Variants in TMEM108 observed in about 807,000 individuals in gnomAD.
TMEM108 encodes the protein cancer/testis antigen 124.
TMEM108 carries 12 observed loss-of-function variants against 35.1 expected under a neutral mutation model. The observed-to-expected ratio is 0.34, with a 90% CI of 0.22 to 0.55. TMEM108 has a LOEUF of 0.55. Among genes scored for constraint, TMEM108 ranks in the 20% least tolerant of loss-of-function variants. The pLI is 0.89. For synonymous variants in TMEM108, 287 were observed against 308.6 expected, an observed-to-expected ratio of 0.93 and a Z score of 0.73; for missense variants, 680 against 753.3, an observed-to-expected ratio of 0.90 and a Z score of 1.14.
At chr3:133,146,224 C>T (rs1359018661) in intron 2 of TMEM108, among the ~76,000 whole-genome samples, 1 of 151,750 alleles carries the variant, frequency 6.6e-6, no homozygotes, top group Non-Finnish European at 1.5e-5. Flanking sequence ...TTGAGATAAT[C>T]GTGGTTTTTG....
intron 2 of TMEM108, among the ~76,000 whole-genome samples, chr3:133,060,693 G>A (rs1943524991): frequency 6.6e-6 from 1 of 152,126 alleles, no homozygotes; most frequent in Non-Finnish European, 1.5e-5. Flanking sequence ...TGTCTATGCT[G>A]TTATCTTTCT....
chr3:133,134,679 A>C (rs1465367004), intron 2 of TMEM108, among the ~76,000 whole-genome samples: 8 of 152,090 alleles, frequency 5.3e-5, no homozygotes. Context: ...TACATGGATG[A>C]GCTGTAGAGT....
chr3:133,309,739 C>T (rs113162563), intron 3 of TMEM108, among the ~76,000 whole-genome samples: 3 of 128,996 alleles, frequency 2.3e-5, no homozygotes, highest in Admixed American at 8.6e-5. Flanking sequence ...CTCGCTCTGT[C>T]GCCCAGGCTG....
At chr3:133,322,494 G>A (rs961425978) in intron 3 of TMEM108, among the ~76,000 whole-genome samples, 7 of 151,886 alleles carry the variant, frequency 4.6e-5, no homozygotes, top group Non-Finnish European at 7.4e-5. Context: ...AAGTCTGAAC[G>A]GACCAATAAC....
chr3:133,199,733 C>T (rs1403695623), intron 2 of TMEM108, among the ~76,000 whole-genome samples: 7 of 152,200 alleles, frequency 4.6e-5, no homozygotes, highest in Non-Finnish European at 7.3e-5. Context: ...CTTGAGGAGG[C>T]AGTCTGTCCA....
At chr3:133,131,290 A>G (rs562002189) in intron 2 of TMEM108, among the ~76,000 whole-genome samples, 1 of 152,102 alleles carries the variant, frequency 6.6e-6, no homozygotes, top group South Asian at 2.1e-4. Flanking sequence ...CAAACTTAGT[A>G]CACGCACACC....
chr3:133,192,473 A>T (rs1012548630), intron 2 of TMEM108, among the ~76,000 whole-genome samples: 1 of 152,030 alleles, frequency 6.6e-6, no homozygotes, highest in Non-Finnish European at 1.5e-5. Context: ...AAGAGTGTGG[A>T]GCCTAGGATA....
At position 133,235,490 on chromosome 3, in the gene TMEM108, C is replaced by A. The variant is rs1038295334; in HGVS notation, c.40+6139C>A. 2.0e-5 allele frequency among the ~76,000 whole-genome samples: 3 copies of A among 152,204 alleles called. No individual in the cohort carries two copies. In the East Asian group the frequency reaches 5.8e-4, roughly 29 times the overall value. On this transcript the variant is annotated intron_variant, in intron 3 of 5. Transcript: ENST00000321871. ...TGATCTTTGACAAACCTGAGAAAAA[C>A]AAGCAATGGGGAAAGTTTTACCACT...
At chr3:133,096,250 C>T (rs1521088) in intron 2 of TMEM108, among the ~76,000 whole-genome samples, 2,250 of 152,240 alleles carry the variant, frequency 0.015, 24 homozygotes, top group Non-Finnish European at 0.022. Context: ...CCTTGAATTC[C>T]TGGGTGCAAA....
intron 3 of TMEM108, among the ~76,000 whole-genome samples, chr3:133,349,336 T>G (rs2071919764): frequency 6.6e-6 from 1 of 152,006 alleles, no homozygotes; most frequent in Admixed American, 6.6e-5. Flanking sequence ...CATTAAATAG[T>G]AAAGGGATTA....
chr3:133,290,402 T>A (rs1947046802), intron 3 of TMEM108, among the ~76,000 whole-genome samples: 2 of 152,192 alleles, frequency 1.3e-5, no homozygotes, highest in Middle Eastern at 3.4e-3. Flanking sequence ...GAGTGGATCA[T>A]CTCAGGTCAG....
chr3:133,161,197 C>T (rs1394357270), intron 2 of TMEM108, among the ~76,000 whole-genome samples: 1 of 152,312 alleles, frequency 6.6e-6, no homozygotes, highest in East Asian at 1.9e-4. Context: ...TGTTTTAACA[C>T]TTCAAGTACT....
rs1015820380 is a variant in TMEM108, at chr3:133,170,886, T to C, written c.-46-58380T>C. 3.3e-5 allele frequency among the ~76,000 whole-genome samples: 5 copies of C among 152,316 alleles called. No individual in the cohort carries two copies. The South Asian group carries it at 8.3e-4, about 25-fold the overall frequency. ...TTAGGTGTGGTCAGTTTGATTTGCC[T>C]ACCCCTAGAGAATCAATAGTTAAAC... On this transcript the variant is annotated intron_variant, in intron 2 of 5. Coordinates refer to ENST00000321871, the MANE Select transcript of TMEM108 (RefSeq NM_023943.4).
intron 2 of TMEM108, among the ~76,000 whole-genome samples, chr3:133,083,204 C>A: frequency 6.9e-6 from 1 of 145,904 alleles, no homozygotes. Flanking sequence ...CACTCCTCAG[C>A]CTGGCTTGAC....
At chr3:133,088,859 G>A (rs1046595021) in intron 2 of TMEM108, among the ~76,000 whole-genome samples, 8 of 152,192 alleles carry the variant, frequency 5.3e-5, no homozygotes, top group Non-Finnish European at 1.2e-4. Flanking sequence ...GACCTGGTGT[G>A]TTAGTCCATT....
At chr3:133,130,302 G>A (rs561195683) in intron 2 of TMEM108, among the ~76,000 whole-genome samples, 1 of 152,302 alleles carries the variant, frequency 6.6e-6, no homozygotes, top group South Asian at 2.1e-4. Context: ...ACAACCATGT[G>A]TATTTGACTC....
At chr3:133,087,907 C>T (rs866089543) in intron 2 of TMEM108, among the ~76,000 whole-genome samples, 49 of 152,098 alleles carry the variant, frequency 3.2e-4, no homozygotes, top group Admixed American at 2.6e-4. Flanking sequence ...GGCCCAACTA[C>T]GTGGTGCCTT....
intron 3 of TMEM108, among the ~76,000 whole-genome samples, chr3:133,340,475 G>C (rs1293029168): frequency 6.6e-6 from 1 of 151,008 alleles, no homozygotes; most frequent in Non-Finnish European, 1.5e-5. Context: ...CCCAGTCTCT[G>C]ATGACCAAAC....
At chr3:133,292,526 C>A (rs749069680) in intron 3 of TMEM108, among the ~76,000 whole-genome samples, 2 of 152,124 alleles carry the variant, frequency 1.3e-5, no homozygotes, top group Non-Finnish European at 2.9e-5. Flanking sequence ...AAACAACATG[C>A]GTGGAACTTG....
Sources: allele counts gnomAD v4.1 joint callset (sites outside exome capture counted in the v4.1 genomes callset), GRCh38; gene constraint gnomAD v4.1.1; transcripts MANE v1.5; gene names NCBI Gene and HGNC (gene_info 2026-07-23, HGNC 2026-07-21).